GNG2: variants seen among roughly 807,000 people sequenced by gnomAD.
The protein encoded by GNG2 is G protein subunit gamma 2.
GNG2 carries 5 observed loss-of-function variants against 5.5 expected under a neutral mutation model. The ratio of observed to expected loss-of-function variants is 0.91; its 90% confidence interval spans 0.48 to 1.92. The LOEUF is 1.92. GNG2 is among the 30% of genes most tolerant of loss of function. The probability of loss-of-function intolerance (pLI) is 0.01; values close to 1 mark genes in which losing one functional copy is unlikely to be tolerated. For missense variants in GNG2, 55 were observed against 88.4 expected, an observed-to-expected ratio of 0.62 and a Z score of 1.52; for synonymous variants, 28 against 32.0, an observed-to-expected ratio of 0.88 and a Z score of 0.42.
chr14:51,935,143 G>A (rs1887912101), intron 2 of GNG2, among the ~76,000 whole-genome samples: 1 of 149,472 alleles, frequency 6.7e-6, no homozygotes, highest in Admixed American at 6.8e-5. Context: ...TCCTACCTCC[G>A]CCTCCCAAGT....
chr14:51,880,773 A>G (rs1286809929), intron 2 of GNG2, among the ~76,000 whole-genome samples: 1 of 152,104 alleles, frequency 6.6e-6, no homozygotes, highest in Non-Finnish European at 1.5e-5. Context: ...GTCACTCCAG[A>G]TGTCTAACAA....
intron 2 of GNG2, among the ~76,000 whole-genome samples, chr14:51,947,980 A>C (rs2140279142): frequency 6.6e-6 from 1 of 152,358 alleles, no homozygotes; most frequent in South Asian, 2.1e-4. Flanking sequence ...CAAAATCAGT[A>C]AGGACCCAGA....
intron 2 of GNG2, among the ~76,000 whole-genome samples, chr14:51,898,744 G>C (rs775775556): frequency 3.9e-5 from 6 of 152,194 alleles, no homozygotes; most frequent in Non-Finnish European, 8.8e-5. Context: ...GCCATCCATA[G>C]GGAAGAGCTT....
At position 51,898,384 on chromosome 14, in the gene GNG2, T is replaced by C. The variant is rs539788228; in HGVS notation, c.-30+20727T>C. Among the ~76,000 whole-genome samples the C allele has an allele frequency of 1.1e-4, 16 of 152,262 alleles. No individual in the cohort carries two copies. The South Asian group carries it at 3.3e-3, about 32-fold the overall frequency. On this transcript the variant is annotated intron_variant, in intron 2 of 3. Transcript: ENST00000556766. ...TGGTTCTGATGAGCATTGGGATGGA[T>C]GTAGGAAGGCACACCACAGACCTGG...
intron 2 of GNG2, among the ~76,000 whole-genome samples, chr14:51,944,358 G>T (rs1210766298): frequency 2.0e-5 from 3 of 152,020 alleles, no homozygotes; most frequent in South Asian, 2.1e-4. Context: ...CTGTTTTTTT[G>T]CTGTTTACTC....
chr14:51,829,841 TC>T, intron 2 of GNG2, among the ~76,000 whole-genome samples: 1 of 115,780 alleles, frequency 8.6e-6, no homozygotes, highest in Non-Finnish European at 1.8e-5. Context: ...ACTCCCTACT[TC>T]TTCTTTTTTT....
chr14:51,833,436 T>TC (rs1170169618), intron 2 of GNG2, among the ~76,000 whole-genome samples: 1 of 152,208 alleles, frequency 6.6e-6, no homozygotes, highest in Non-Finnish European at 1.5e-5. Context: ...TGGCAACCCA[T>TC]TATCTTTTCA....
At chr14:51,950,509 A>G in intron 2 of GNG2, 141 bp from the exon 3 acceptor site, 1 of 577,408 alleles carries the variant, frequency 1.7e-6, no homozygotes. Flanking sequence ...GTCAGAGGTA[A>G]TACCGACCAA....
intron 2 of GNG2, among the ~76,000 whole-genome samples, chr14:51,948,764 CTG>C (rs1234336441): frequency 6.6e-6 from 1 of 152,144 alleles, no homozygotes; most frequent in African/African-American, 2.4e-5. Context: ...TCAGAGATCT[CTG>C]TGACTTCAAA....
chr14:51,864,644 G>C (rs1420262520), intron 1 of GNG2, among the ~76,000 whole-genome samples: 4 of 152,184 alleles, frequency 2.6e-5, no homozygotes, highest in Non-Finnish European at 5.9e-5. Context: ...AGTCACACCA[G>C]TGATTCTGCT....
chr14:51,901,290 A>G (rs1402625262), intron 2 of GNG2, among the ~76,000 whole-genome samples: 1 of 151,836 alleles, frequency 6.6e-6, no homozygotes, highest in Non-Finnish European at 1.5e-5. Flanking sequence ...GGCTCAAGCA[A>G]TCCTCCCAGC....
intron 2 of GNG2, among the ~76,000 whole-genome samples, chr14:51,950,154 T>G (rs1035407091): frequency 6.6e-6 from 1 of 152,236 alleles, no homozygotes; most frequent in Admixed American, 6.5e-5. Flanking sequence ...ATTTAGAGAT[T>G]AGGCATGGCA....
chr14:51,909,003 T>C (rs924745818), intron 2 of GNG2, among the ~76,000 whole-genome samples: 1 of 152,142 alleles, frequency 6.6e-6, no homozygotes. Flanking sequence ...CATGTAAACT[T>C]CTTATATAAC....
At chr14:51,931,258 G>A (rs1387562745) in intron 2 of GNG2, among the ~76,000 whole-genome samples, 2 of 152,214 alleles carry the variant, frequency 1.3e-5, no homozygotes, top group Non-Finnish European at 2.9e-5. Flanking sequence ...GAGGTGAGAT[G>A]TGAAGCAAAA....
intron 2 of GNG2, among the ~76,000 whole-genome samples, chr14:51,828,000 G>A (rs1389152177): frequency 1.3e-5 from 2 of 152,180 alleles, no homozygotes; most frequent in Admixed American, 6.5e-5. Context: ...GTAGACGGTT[G>A]GGGGAAGGCA....
intron 2 of GNG2, among the ~76,000 whole-genome samples, chr14:51,846,304 A>G (rs2790500): frequency 0.93 from 142,303 of 152,248 alleles, 67,204 homozygotes; most frequent in East Asian, 1. Context: ...ACAAGTTCTC[A>G]TCATACATAT....
intron 2 of GNG2, among the ~76,000 whole-genome samples, chr14:51,942,777 A>C (rs897475156): frequency 8.6e-5 from 13 of 151,478 alleles, no homozygotes; most frequent in African/African-American, 2.9e-4. Flanking sequence ...TAAAGAATCA[A>C]CCTTTGGTGT....
At chr14:51,837,629 A>G (rs2140074631) in intron 2 of GNG2, among the ~76,000 whole-genome samples, 1 of 145,938 alleles carries the variant, frequency 6.9e-6, no homozygotes. Flanking sequence ...CCTGGGTGAC[A>G]GGGTGAGACT....
intron 2 of GNG2, among the ~76,000 whole-genome samples, chr14:51,915,932 G>T (rs925012198): frequency 6.6e-6 from 1 of 152,150 alleles, no homozygotes; most frequent in African/African-American, 2.4e-5. Context: ...AACAATATTT[G>T]CTGTGAGTTA....
Sources: gnomAD v4.1 joint callset for allele counts (sites outside exome capture counted in the v4.1 genomes callset) on GRCh38, gnomAD v4.1.1 for gene constraint, MANE v1.5 for transcripts, NCBI Gene and HGNC (gene_info 2026-07-23, HGNC 2026-07-21) for gene names.